The following ELMO1 variants were observed in gnomAD, a reference collection of about 807,000 sequenced individuals.
ELMO1 encodes engulfment and cell motility protein 1.
In ELMO1, 26 loss-of-function variants were observed where a neutral mutation model predicts 98.9. That is an observed-to-expected ratio of 0.26 (90% CI 0.19 to 0.36). ELMO1 has a LOEUF of 0.36. Among genes scored for constraint, ELMO1 ranks in the 10% least tolerant of loss-of-function variants. ELMO1 has a pLI of 1.00. For synonymous variants in ELMO1, 346 were observed against 346.0 expected, an observed-to-expected ratio of 1.00 and a Z score of 0.00; for missense variants, 627 against 935.2, an observed-to-expected ratio of 0.67 and a Z score of 4.30.
At chr7:37,361,052 C>A (rs1224538137) in intron 1 of ELMO1, among the ~76,000 whole-genome samples, 1 of 152,138 alleles carries the variant, frequency 6.6e-6, no homozygotes, top group African/African-American at 2.4e-5. Context: ...AGAATTCTCA[C>A]ACATTGCTGA....
intron 16 of ELMO1, among the ~76,000 whole-genome samples, chr7:37,009,352 G>T (rs2129169831): frequency 6.6e-6 from 1 of 152,300 alleles, no homozygotes; most frequent in Admixed American, 6.5e-5. Flanking sequence ...GAAACTGAAA[G>T]AAAGTACTTT....
intron 15 of ELMO1, among the ~76,000 whole-genome samples, chr7:37,026,441 CT>C (rs1423037334): frequency 1.3e-5 from 2 of 152,292 alleles, no homozygotes; most frequent in Admixed American, 1.3e-4. Flanking sequence ...TGAACAGGTT[CT>C]TTCTTATCTT....
At chr7:37,157,494 A>C (rs1738825934) in intron 13 of ELMO1, among the ~76,000 whole-genome samples, 1 of 152,206 alleles carries the variant, frequency 6.6e-6, no homozygotes, top group Non-Finnish European at 1.5e-5. Context: ...TCAATGTGCA[A>C]AAATCACAAG....
At chr7:37,447,714 C>CCACCCA (rs1323474343) in intron 1 of ELMO1, among the ~76,000 whole-genome samples, 2 of 132,140 alleles carry the variant, frequency 1.5e-5, no homozygotes, top group African/African-American at 6.2e-5. Flanking sequence ...CGCGCACACA[C>CCACCCA]CACACACACA....
chr7:37,192,119 G>T (rs1053490912), intron 13 of ELMO1, among the ~76,000 whole-genome samples: 5 of 152,210 alleles, frequency 3.3e-5, no homozygotes, highest in Middle Eastern at 3.2e-3. Context: ...TCTCGTGTGT[G>T]TGTTTTCCAC....
chr7:37,395,885 A>G (rs1179313835), intron 1 of ELMO1, among the ~76,000 whole-genome samples: 2 of 152,214 alleles, frequency 1.3e-5, no homozygotes, highest in African/African-American at 4.8e-5. Flanking sequence ...CATTTTGTAC[A>G]CTTTATTTTT....
chr7:36,946,586 G>A (rs1446382547), intron 16 of ELMO1, among the ~76,000 whole-genome samples: 3 of 152,190 alleles, frequency 2.0e-5, no homozygotes, highest in Non-Finnish European at 4.4e-5. Context: ...AAGGACTATT[G>A]TTATCTGTGG....
rs1159473831 is a variant in ELMO1, at chr7:37,293,026, C to A, written c.193-21144G>T. On this transcript the variant is annotated intron_variant, in intron 4 of 21. Transcript: ENST00000310758. ...GGAGCCACTCTGCCCAGCCAGCCGC[C>A]CCGTCCGGGAGGGAGGTGGGGGGGT... Among the ~76,000 whole-genome samples, 6 of 51,350 alleles carry A rather than the reference C, an allele frequency of 1.2e-4. 1 individual carries two copies. Among genetic ancestry groups the A allele is most frequent in the African/African-American group, 3.4e-4 (6 of 17,860 alleles). 33.7% of individuals were successfully genotyped at this position (51,350 alleles called of 152,430 possible).
At chr7:37,200,937 T>G (rs1189838240) in intron 13 of ELMO1, among the ~76,000 whole-genome samples, 9 of 144,370 alleles carry the variant, frequency 6.2e-5, no homozygotes, top group Admixed American at 6.1e-4. Flanking sequence ...AGTGAGACTC[T>G]GTCTCAATAA....
At chr7:37,214,368 T>C (rs904091490) in intron 11 of ELMO1, among the ~76,000 whole-genome samples, 2 of 152,192 alleles carry the variant, frequency 1.3e-5, no homozygotes, top group Non-Finnish European at 2.9e-5. Context: ...TAGTTGCTCC[T>C]GGGTAGACAG....
chr7:37,154,104 G>C (rs537767135), intron 13 of ELMO1, among the ~76,000 whole-genome samples: 45 of 152,246 alleles, frequency 3.0e-4, no homozygotes, highest in Non-Finnish European at 2.6e-4. Context: ...CAAACAGAAA[G>C]GAATAGCATC....
chr7:36,988,840 G>C (rs1791681409), intron 16 of ELMO1, among the ~76,000 whole-genome samples: 1 of 152,188 alleles, frequency 6.6e-6, no homozygotes, highest in African/African-American at 2.4e-5. Flanking sequence ...CCAAGTTAAG[G>C]AGTCTGGTTC....
chr7:37,294,725 C>A (rs1005510501), intron 4 of ELMO1, among the ~76,000 whole-genome samples: 1 of 152,168 alleles, frequency 6.6e-6, no homozygotes, highest in Non-Finnish European at 1.5e-5. Context: ...TCAGGCCAGG[C>A]GCGGGGGCTC....
In ELMO1 at chr7:36,888,722, G is replaced by T. The variant is rs547539306; in HGVS notation, c.1602-1050C>A. Among the ~76,000 whole-genome samples the T allele has an allele frequency of 1.6e-4, 24 of 152,300 alleles. No individual in the cohort carries two copies. In the South Asian group the frequency reaches 4.6e-3, roughly 29 times the overall value. On this transcript the variant is annotated intron_variant, in intron 17 of 21. Transcript: ENST00000310758. ...TGGTGACATTCTCTCCTTTCCTCAA[G>T]CCAAACAGTCCATAGGCCCATATTA...
chr7:37,004,694 A>G (rs1288529757), intron 16 of ELMO1, among the ~76,000 whole-genome samples: 1 of 152,242 alleles, frequency 6.6e-6, no homozygotes. Context: ...CTTGGTCAAG[A>G]CCATTTTTAT....
intron 16 of ELMO1, among the ~76,000 whole-genome samples, chr7:36,923,488 A>C (rs926538026): frequency 6.6e-6 from 1 of 152,330 alleles, no homozygotes; most frequent in East Asian, 1.9e-4. Flanking sequence ...ACAGGATCAG[A>C]GGGCTTAGTA....
intron 20 of ELMO1, among the ~76,000 whole-genome samples, chr7:36,865,177 C>G (rs986559893): frequency 6.6e-6 from 1 of 152,152 alleles, no homozygotes; most frequent in Non-Finnish European, 1.5e-5. Flanking sequence ...GGTAACTCAC[C>G]ACATATGGCC....
intron 16 of ELMO1, among the ~76,000 whole-genome samples, chr7:36,897,351 A>ATGTGTGTGTGTGTGG (rs1806117207): frequency 1.4e-4 from 1 of 6,972 alleles, no homozygotes; most frequent in African/African-American, 3.3e-4. Flanking sequence ...TGTGTGTGTG[A>ATGTGTGTGTGTGTGG]AAGAGTGTTA....
intron 15 of ELMO1, among the ~76,000 whole-genome samples, chr7:37,030,504 G>C (rs1454552947): frequency 1.3e-5 from 2 of 152,090 alleles, no homozygotes; most frequent in Non-Finnish European, 2.9e-5. Context: ...CGTACAATAA[G>C]ATACCCAATA....
Sources: gnomAD v4.1 joint callset for allele counts (sites outside exome capture counted in the v4.1 genomes callset) on GRCh38, gnomAD v4.1.1 for gene constraint, MANE v1.5 for transcripts, NCBI Gene and HGNC (gene_info 2026-07-23, HGNC 2026-07-21) for gene names.